Variants in PDE9A observed in about 807,000 individuals in gnomAD.
The protein encoded by PDE9A is phosphodiesterase 9A, also known as high affinity cGMP-specific 3',5'-cyclic phosphodiesterase 9A.
Under a neutral mutation model 87.4 loss-of-function variants are expected in PDE9A, and 60 were observed. The observed-to-expected ratio is 0.69, with a 90% CI of 0.56 to 0.85. The LOEUF (loss-of-function observed/expected upper bound fraction) is 0.85, where lower values mean the gene tolerates loss of function less well. PDE9A is among the 40% of genes least tolerant of loss of function. The probability of loss-of-function intolerance (pLI) is 0.00; values close to 1 mark genes in which losing one functional copy is unlikely to be tolerated. For synonymous variants in PDE9A, 272 were observed against 279.4 expected, an observed-to-expected ratio of 0.97 and a Z score of 0.27; for missense variants, 665 against 779.0, an observed-to-expected ratio of 0.85 and a Z score of 1.74.
intron 4 of PDE9A, among the ~76,000 whole-genome samples, chr21:42,715,702 C>T (rs2049849021): frequency 6.6e-6 from 1 of 151,774 alleles, no homozygotes; most frequent in Admixed American, 6.6e-5. Flanking sequence ...AGTCTATATT[C>T]CACCTCAGAA....
chr21:42,680,624 A>G (rs565329593), intron 1 of PDE9A, among the ~76,000 whole-genome samples: 1 of 152,318 alleles, frequency 6.6e-6, no homozygotes, highest in Admixed American at 6.5e-5. Context: ...CATGGCCCGT[A>G]CCAACCGTGA....
chr21:42,753,544 G>A (rs1342410297), intron 9 of PDE9A, among the ~76,000 whole-genome samples: 1 of 152,156 alleles, frequency 6.6e-6, no homozygotes, highest in Non-Finnish European at 1.5e-5. Context: ...TGTGGCCTGT[G>A]AGTCTGACGC....
intron 1 of PDE9A, among the ~76,000 whole-genome samples, chr21:42,668,290 G>T (rs2058143622): frequency 6.6e-6 from 1 of 152,272 alleles, no homozygotes; most frequent in South Asian, 2.1e-4. Context: ...TTCCAGGGAA[G>T]GGTTGCATTA....
intron 1 of PDE9A, among the ~76,000 whole-genome samples, chr21:42,657,858 T>C (rs1362501006): frequency 6.6e-6 from 1 of 152,236 alleles, no homozygotes; most frequent in Non-Finnish European, 1.5e-5. Context: ...GCTGTGGTGT[T>C]CTGGTCTTGG....
intron 14 of PDE9A, among the ~76,000 whole-genome samples, chr21:42,764,185 G>A (rs762993160): frequency 7.2e-5 from 11 of 152,342 alleles, no homozygotes; most frequent in South Asian, 6.2e-4. Flanking sequence ...GCTGACATAC[G>A]GCGGCAGCGC....
At chr21:42,687,136 G>A (rs1254203426) in intron 2 of PDE9A, among the ~76,000 whole-genome samples, 1 of 152,208 alleles carries the variant, frequency 6.6e-6, no homozygotes, top group Non-Finnish European at 1.5e-5. Context: ...AGCAGGAGTA[G>A]CTTTGGCTCA....
intron 1 of PDE9A, among the ~76,000 whole-genome samples, chr21:42,670,547 C>T (rs1377226042): frequency 6.6e-6 from 1 of 151,808 alleles, no homozygotes; most frequent in Non-Finnish European, 1.5e-5. Context: ...CTCACGTACA[C>T]TTACCCACAC....
rs2048471246 is a variant in PDE9A, at chr21:42,702,662, T to C, written c.262+3651T>C. Among the ~76,000 whole-genome samples the C allele has an allele frequency of 6.6e-6, 1 of 152,238 alleles. No individual in the cohort carries two copies. ...AGTTTGATGCCTTTGAGCCCCACCTTTAAGCTTTGTGAGAATGGCTCTAGA... is the reference window on the plus strand; with the variant it reads ...AGTTTGATGCCTTTGAGCCCCACCTCTAAGCTTTGTGAGAATGGCTCTAGA... On this transcript the variant is annotated intron_variant, in intron 4 of 19. Coordinates refer to ENST00000291539, the MANE Select transcript of PDE9A (RefSeq NM_002606.3). The surrounding 1 kb of genome is among the most constrained non-coding windows in gnomAD (Gnocchi z 4.9).
chr21:42,744,630 G>A (rs556581274), intron 8 of PDE9A, among the ~76,000 whole-genome samples: 27 of 152,318 alleles, frequency 1.8e-4, no homozygotes, highest in Non-Finnish European at 3.2e-4. Flanking sequence ...CTGGGAACAG[G>A]CATCCTTCAC....
chr21:42,670,357 TCCACACAC>T (rs1182918860), intron 1 of PDE9A, among the ~76,000 whole-genome samples: 21,851 of 126,952 alleles, frequency 0.17, 2,875 homozygotes, highest in African/African-American at 0.47. Flanking sequence ...TACACACACA[TCCACACAC>T]ACATTCACAC....
chr21:42,681,434 G>A (rs569653527), intron 1 of PDE9A, among the ~76,000 whole-genome samples: 1 of 152,300 alleles, frequency 6.6e-6, no homozygotes, highest in South Asian at 2.1e-4. Context: ...CTGGGTGCGT[G>A]GGAGCCACAC....
At chr21:42,771,414 C>A (rs745549943) in intron 18 of PDE9A, among the ~76,000 whole-genome samples, 1 of 152,254 alleles carries the variant, frequency 6.6e-6, no homozygotes, top group African/African-American at 2.4e-5. Context: ...TGTCCTGCTG[C>A]CCATGGTGTG....
At chr21:42,744,890 C>A (rs2053679144) in intron 8 of PDE9A, among the ~76,000 whole-genome samples, 1 of 152,208 alleles carries the variant, frequency 6.6e-6, no homozygotes, top group East Asian at 1.9e-4. Context: ...TAGTGAGGGG[C>A]ACACAGGACC....
intron 16 of PDE9A, 120 bp downstream of exon 16, chr21:42,768,412 C>A: frequency 9.7e-7 from 1 of 1,032,342 alleles, no homozygotes; most frequent in Non-Finnish European, 1.4e-6. Context: ...GCCGACAGTT[C>A]AGCCTCCAGA....
At chr21:42,690,863 G>A (rs2059787538) in intron 3 of PDE9A, among the ~76,000 whole-genome samples, 1 of 152,086 alleles carries the variant, frequency 6.6e-6, no homozygotes, top group South Asian at 2.1e-4. Context: ...CAGCTCTGCA[G>A]AACCAGCTTC....
intron 4 of PDE9A, among the ~76,000 whole-genome samples, chr21:42,727,489 ATT>A (rs58515760): frequency 6.8e-4 from 60 of 88,320 alleles, no homozygotes; most frequent in African/African-American, 2.8e-3. Flanking sequence ...ACGCCTGGCT[ATT>A]TTTTTTTTTT....
At position 42,675,410 on chromosome 21, in the gene PDE9A, G is replaced by A. The variant is rs536723298; in HGVS notation, c.70-10782G>A. On this transcript the variant is annotated intron_variant, in intron 1 of 19. Coordinates refer to ENST00000291539, the MANE Select transcript of PDE9A (RefSeq NM_002606.3). The surrounding 1 kb of genome is among the most constrained non-coding windows in gnomAD (Gnocchi z 4.3). ...CATTGGTTGGGGTATAAATCCGGGGGTGCAGTGGAGATTAGATTAGATCGT... is the reference window on the plus strand; with the variant it reads ...CATTGGTTGGGGTATAAATCCGGGGATGCAGTGGAGATTAGATTAGATCGT... 8.0e-4 allele frequency among the ~76,000 whole-genome samples: 122 copies of A among 152,340 alleles called. 1 individual carries two copies. Among genetic ancestry groups the A allele is most frequent in the African/African-American group, 2.8e-3 (115 of 41,576 alleles).
chr21:42,676,646 G>C (rs1166113620), intron 1 of PDE9A, among the ~76,000 whole-genome samples: 1 of 152,172 alleles, frequency 6.6e-6, no homozygotes, highest in African/African-American at 2.4e-5. Context: ...GCCGACCCCA[G>C]TTTAGCACTC....
chr21:42,731,642 A>C, intron 4 of PDE9A, 128 bp from the exon 5 acceptor site: 19 of 965,346 alleles, frequency 2.0e-5, no homozygotes, highest in Non-Finnish European at 2.8e-5. Context: ...CGCCGTGAGA[A>C]CACCGTGTTC....
Sources: gnomAD v4.1 joint callset for allele counts (sites outside exome capture counted in the v4.1 genomes callset) on GRCh38, gnomAD v4.1.1 for gene constraint, Gnocchi (gnomAD v3.1) non-coding constraint, MANE v1.5 for transcripts, NCBI Gene and HGNC (gene_info 2026-07-23, HGNC 2026-07-21) for gene names.